Variants in C8orf34 observed in about 807,000 individuals in gnomAD.
C8orf34 encodes the protein chromosome 8 open reading frame 34.
Under a neutral mutation model 68.3 loss-of-function variants are expected in C8orf34, and 65 were observed. That is an observed-to-expected ratio of 0.95 (90% confidence interval 0.78 to 1.17). C8orf34 has a LOEUF of 1.17. Among genes scored for constraint, C8orf34 ranks in the 50% most tolerant of loss-of-function variants. The pLI, the probability that C8orf34 is intolerant of heterozygous loss-of-function variation, is 0.00. For missense variants in C8orf34, 664 were observed against 655.4 expected, an observed-to-expected ratio of 1.01 and a Z score of -0.14; for synonymous variants, 244 against 241.2, an observed-to-expected ratio of 1.01 and a Z score of -0.11.
At chr8:68,540,706 G>A (rs1420422948) in intron 7 of C8orf34, among the ~76,000 whole-genome samples, 2 of 152,028 alleles carry the variant, frequency 1.3e-5, no homozygotes, top group African/African-American at 4.8e-5. Context: ...GCCAGGCGTG[G>A]TGGTGCATGC....
At chr8:68,490,706 G>GA (rs887957601) in intron 5 of C8orf34, among the ~76,000 whole-genome samples, 38 of 146,874 alleles carry the variant, frequency 2.6e-4, no homozygotes, top group Middle Eastern at 6.9e-3. Flanking sequence ...AAATTTCAGT[G>GA]AAAAAAAAAA....
intron 1 of C8orf34, among the ~76,000 whole-genome samples, chr8:68,408,289 A>G (rs1460410843): frequency 2.0e-5 from 3 of 151,762 alleles, no homozygotes; most frequent in Non-Finnish European, 4.4e-5. Context: ...AAGTTCAGCT[A>G]TATTATGATG....
At position 68,403,964 on chromosome 8, in the gene C8orf34, C is replaced by T. The variant is rs1586064687; in HGVS notation, c.328-35535C>T. Among the ~76,000 whole-genome samples the T allele has an allele frequency of 2.0e-5, 3 of 152,142 alleles. No homozygotes were observed. The South Asian group carries it at 6.2e-4, about 32-fold the overall frequency. On this transcript the variant is annotated intron_variant, in intron 1 of 13. Transcript: ENST00000518698. ...GATCCTTGAGGAATGGCTACACTGT[C>T]TTCCACAATGGTTTAACACTCCCAC...
chr8:68,775,709 C>T (rs1051258996), intron 10 of C8orf34, among the ~76,000 whole-genome samples: 2 of 152,220 alleles, frequency 1.3e-5, no homozygotes, highest in Non-Finnish European at 2.9e-5. Flanking sequence ...CTTTCCTTAG[C>T]CTAATTATGA....
intron 7 of C8orf34, among the ~76,000 whole-genome samples, chr8:68,546,934 G>A (rs998723047): frequency 6.6e-6 from 1 of 151,598 alleles, no homozygotes; most frequent in Admixed American, 6.6e-5. Flanking sequence ...CCAAAACAGT[G>A]GTTAATGAGA....
At position 68,524,306 on chromosome 8, in the gene C8orf34, T is replaced by C. The variant is rs142987033; in HGVS notation, c.938+2335T>C. On this transcript the variant is annotated intron_variant, in intron 6 of 13. Coordinates refer to ENST00000518698, the MANE Select transcript of C8orf34 (RefSeq NM_052958.4). ...CCCCCTTTTTTAATGATGTACTGTA[T>C]GTGAACTTCTTTCCCTAGGTCCCCC... 7.1e-3 allele frequency among the ~76,000 whole-genome samples: 1,081 copies of C among 152,308 alleles called. 6 individuals are homozygous for C. The highest frequency in any genetic ancestry group is 0.03 in the South Asian group (146 of 4,830).
At chr8:68,752,222 C>T (rs1822728248) in intron 10 of C8orf34, among the ~76,000 whole-genome samples, 1 of 152,140 alleles carries the variant, frequency 6.6e-6, no homozygotes, top group African/African-American at 2.4e-5. Flanking sequence ...AAATTTGATT[C>T]CTTTTACCTT....
intron 7 of C8orf34, among the ~76,000 whole-genome samples, chr8:68,551,285 C>T (rs1428696065): frequency 6.6e-6 from 1 of 151,654 alleles, no homozygotes; most frequent in African/African-American, 2.4e-5. Flanking sequence ...TCAGCCATGT[C>T]CAGTCTACTA....
intron 7 of C8orf34, among the ~76,000 whole-genome samples, chr8:68,557,023 T>C (rs972748362): frequency 6.6e-6 from 1 of 152,220 alleles, no homozygotes; most frequent in Non-Finnish European, 1.5e-5. Context: ...ATTTCTACCA[T>C]ACATACAACC....
chr8:68,510,842 C>A (rs528659317), intron 5 of C8orf34, among the ~76,000 whole-genome samples: 1 of 152,272 alleles, frequency 6.6e-6, no homozygotes, highest in East Asian at 1.9e-4. Context: ...TTCTCCAATA[C>A]CTGTGAGTTG....
chr8:68,745,173 C>T (rs1231023807), intron 10 of C8orf34, among the ~76,000 whole-genome samples: 1 of 152,106 alleles, frequency 6.6e-6, no homozygotes, highest in Non-Finnish European at 1.5e-5. Flanking sequence ...CTTTTCCAGA[C>T]AAGCAAATGC....
intron 8 of C8orf34, among the ~76,000 whole-genome samples, chr8:68,688,728 A>T (rs1162990567): frequency 6.6e-6 from 1 of 152,104 alleles, no homozygotes; most frequent in Non-Finnish European, 1.5e-5. Context: ...GCAAACTAAC[A>T]CAGGAGCAGA....
chr8:68,614,171 T>C (rs1237140618), intron 7 of C8orf34, among the ~76,000 whole-genome samples: 4 of 152,114 alleles, frequency 2.6e-5, no homozygotes, highest in Non-Finnish European at 4.4e-5. Flanking sequence ...TTGAGTTCAT[T>C]GTAGATTCTG....
At chr8:68,643,588 T>C (rs564131039) in intron 8 of C8orf34, among the ~76,000 whole-genome samples, 2 of 152,178 alleles carry the variant, frequency 1.3e-5, no homozygotes, top group Non-Finnish European at 2.9e-5. Flanking sequence ...TGCTTCCTCA[T>C]AGATGGCTGT....
intron 7 of C8orf34, among the ~76,000 whole-genome samples, chr8:68,621,217 G>A (rs1432476575): frequency 6.6e-6 from 1 of 152,130 alleles, no homozygotes; most frequent in Non-Finnish European, 1.5e-5. Context: ...GACAAAGTGG[G>A]GCACGTGGTG....
intron 5 of C8orf34, among the ~76,000 whole-genome samples, chr8:68,491,999 G>A (rs79066299): frequency 0.018 from 2,705 of 152,216 alleles, 80 homozygotes; most frequent in African/African-American, 0.062. Flanking sequence ...AGTGTTGGGT[G>A]TTTACACGCT....
chr8:68,750,919 A>C (rs1747211463), intron 10 of C8orf34, among the ~76,000 whole-genome samples: 1 of 152,190 alleles, frequency 6.6e-6, no homozygotes, highest in African/African-American at 2.4e-5. Context: ...AGATTAACAC[A>C]TTCATAGTCA....
At chr8:68,804,602 G>A (rs961186006) in intron 12 of C8orf34, among the ~76,000 whole-genome samples, 9 of 151,896 alleles carry the variant, frequency 5.9e-5, no homozygotes, top group Non-Finnish European at 1.0e-4. Context: ...GCAACATGGC[G>A]AAACCCCATC....
intron 7 of C8orf34, among the ~76,000 whole-genome samples, chr8:68,587,001 T>A (rs758822178): frequency 6.6e-6 from 1 of 152,170 alleles, no homozygotes; most frequent in Non-Finnish European, 1.5e-5. Flanking sequence ...ATCTACTACA[T>A]AACCCTACAG....
Sources: gnomAD v4.1 joint callset for allele counts (sites outside exome capture counted in the v4.1 genomes callset) on GRCh38, gnomAD v4.1.1 for gene constraint, MANE v1.5 for transcripts, NCBI Gene and HGNC (gene_info 2026-07-23, HGNC 2026-07-21) for gene names.